MAOB: variants seen among roughly 807,000 people sequenced by gnomAD.
MAOB encodes monoamine oxidase B, also known as amine oxidase [flavin-containing] B.
A neutral mutation model predicts 41.9 loss-of-function variants in MAOB; 15 were observed. The observed-to-expected ratio is 0.36, with a 90% CI of 0.24 to 0.55. The LOEUF is 0.55. MAOB is among the 20% of genes least tolerant of loss of function. MAOB has a pLI of 0.86. For missense variants in MAOB, 345 were observed against 398.7 expected (o/e 0.87, Z 1.15); for synonymous variants, 167 against 144.2 (o/e 1.16, Z -1.13).
intron 3 of MAOB, among the ~76,000 whole-genome samples, chrX:43,808,699 G>GACACACACACACACACACACAC (rs147523888): frequency 1.1e-5 from 1 of 87,610 alleles, no homozygotes; most frequent in African/African-American, 4.0e-5. Context: ...TCTACACATA[G>GACACACACACACACACACACAC]ACACACACAC....
chrX:43,783,358 A>G (rs1010058872), intron 8 of MAOB, among the ~76,000 whole-genome samples: 8 of 111,929 alleles, frequency 7.1e-5, no homozygotes. Context: ...AAACAATTTC[A>G]GCTCATCCTG....
chrX:43,843,234 G>C (rs187492814), intron 2 of MAOB, among the ~76,000 whole-genome samples: 2 of 110,793 alleles, frequency 1.8e-5, no homozygotes, highest in Admixed American at 9.6e-5. Flanking sequence ...ATGGGAGAAA[G>C]TCTCTCCAAA....
intron 8 of MAOB, among the ~76,000 whole-genome samples, chrX:43,783,157 G>A (rs930165025): frequency 6.2e-5 from 7 of 112,133 alleles, no homozygotes; most frequent in Non-Finnish European, 1.1e-4. Flanking sequence ...TCAGGCAAGA[G>A]AAAGAAATAA....
intron 3 of MAOB, among the ~76,000 whole-genome samples, chrX:43,833,801 C>T (rs1285933506): frequency 9.0e-6 from 1 of 111,617 alleles, no homozygotes; most frequent in South Asian, 3.7e-4. Context: ...ATTTTAAGTT[C>T]CAAATGGAAA....
intron 1 of MAOB, among the ~76,000 whole-genome samples, chrX:43,870,769 TG>T (rs201229773): frequency 0.038 from 3,020 of 80,016 alleles, 94 homozygotes; most frequent in Middle Eastern, 0.083. Context: ...CACTCCAACC[TG>T]GGCAACTGAG....
intron 3 of MAOB, among the ~76,000 whole-genome samples, chrX:43,811,830 T>A (rs1481376506): frequency 8.9e-6 from 1 of 112,276 alleles, no homozygotes; most frequent in Non-Finnish European, 1.9e-5. Flanking sequence ...TTATCCTTTG[T>A]GTCACAAACA....
At chrX:43,793,032 A>T (rs1217304698) in intron 8 of MAOB, among the ~76,000 whole-genome samples, 1 of 112,341 alleles carries the variant, frequency 8.9e-6, no homozygotes. Context: ...CTTTGCAGCA[A>T]CATGGATGCA....
At chrX:43,818,310 G>A (rs981711555) in intron 3 of MAOB, among the ~76,000 whole-genome samples, 1 of 112,172 alleles carries the variant, frequency 8.9e-6, no homozygotes, top group Non-Finnish European at 1.9e-5. Context: ...TGGCTATTAT[G>A]AATAATGTTG....
chrX:43,873,236 TAC>T (rs2035418931), intron 1 of MAOB, among the ~76,000 whole-genome samples: 1 of 111,774 alleles, frequency 8.9e-6, no homozygotes, highest in African/African-American at 3.2e-5. Context: ...CACAATTTAA[TAC>T]ACACACACCA....
At position 43,878,954 on chromosome X, in the gene MAOB, T is replaced by C. The variant is rs146436393; in HGVS notation, c.46+3300A>G. 6.6e-3 allele frequency among the ~76,000 whole-genome samples: 743 copies of C among 112,467 alleles called. 4 individuals are homozygous for C. Among genetic ancestry groups the C allele is most frequent in the African/African-American group, 0.023 (698 of 30,948 alleles). On this transcript the variant is annotated intron_variant, in intron 1 of 14. Transcript: ENST00000378069. ...CCTCTCCTAAGTCTGGCCAAAACTT[T>C]CTTGTTTCTGCTTCAAGTTGCCTTT...
chrX:43,770,267 G>A (rs985082167), intron 12 of MAOB, among the ~76,000 whole-genome samples: 1 of 111,412 alleles, frequency 9.0e-6, no homozygotes, highest in Non-Finnish European at 1.9e-5. Context: ...CACTCTGAAG[G>A]GCCATTCTAG....
intron 3 of MAOB, among the ~76,000 whole-genome samples, chrX:43,838,175 G>A (rs997526069): frequency 9.0e-6 from 1 of 111,725 alleles, no homozygotes; most frequent in Admixed American, 9.5e-5. Context: ...TGCTTGTGGC[G>A]GTCTGAGAAA....
intron 1 of MAOB, among the ~76,000 whole-genome samples, chrX:43,860,279 G>A (rs776172209): frequency 9.0e-6 from 1 of 111,642 alleles, no homozygotes; most frequent in Non-Finnish European, 1.9e-5. Context: ...TATGTAAACT[G>A]CCTACTTAAT....
At position 43,866,783 on chromosome X, in the gene MAOB, G is replaced by A. The variant is rs192820302; in HGVS notation, c.46+15471C>T. On this transcript the variant is annotated intron_variant, in intron 1 of 14. Transcript: ENST00000378069. Reference sequence around the variant, plus strand: ...TGGAGAAGGGCTAGACCGAATGATGGGACACAAATGAGCAGACTCTGGGAA... The same window carrying A: ...TGGAGAAGGGCTAGACCGAATGATGAGACACAAATGAGCAGACTCTGGGAA... Among the ~76,000 whole-genome samples the A allele has an allele frequency of 1.6e-3, 179 of 112,445 alleles. 2 individuals are homozygous for A. The highest frequency in any genetic ancestry group is 5.7e-3 in the African/African-American group (176 of 30,971).
At chrX:43,806,833 T>A (rs2034667763) in intron 3 of MAOB, among the ~76,000 whole-genome samples, 1 of 112,323 alleles carries the variant, frequency 8.9e-6, no homozygotes, top group Non-Finnish European at 1.9e-5. Context: ...TAATACAATA[T>A]GATTTATTTG....
At chrX:43,835,244 T>C (rs2035059550) in intron 3 of MAOB, among the ~76,000 whole-genome samples, 1 of 112,322 alleles carries the variant, frequency 8.9e-6, no homozygotes, top group Non-Finnish European at 1.9e-5. Flanking sequence ...TATGAAATAT[T>C]CCTTAAAAGA....
chrX:43,836,651 A>G (rs374158920), intron 3 of MAOB, among the ~76,000 whole-genome samples: 2 of 112,368 alleles, frequency 1.8e-5, no homozygotes, highest in African/African-American at 6.5e-5. Context: ...ACGAAAATCT[A>G]CGAACCAAGA....
At chrX:43,854,679 A>C (rs1026744135) in intron 1 of MAOB, among the ~76,000 whole-genome samples, 5 of 112,053 alleles carry the variant, frequency 4.5e-5, no homozygotes, top group African/African-American at 1.6e-4. Context: ...AAAGTAAAAT[A>C]AAATGAAATC....
At chrX:43,858,972 G>C (rs1233521206) in intron 1 of MAOB, among the ~76,000 whole-genome samples, 1 of 111,276 alleles carries the variant, frequency 9.0e-6, no homozygotes, top group Non-Finnish European at 1.9e-5. Context: ...ACCTTCATTA[G>C]GTTCAATCCC....
Sources: gnomAD v4.1 joint callset for allele counts (sites outside exome capture counted in the v4.1 genomes callset) on GRCh38, gnomAD v4.1.1 for gene constraint, MANE v1.5 for transcripts, NCBI Gene and HGNC (gene_info 2026-07-23, HGNC 2026-07-21) for gene names.